The following ZNF763 variants were observed in gnomAD, a reference collection of about 807,000 sequenced individuals.
The protein encoded by ZNF763 is DNA-binding protein.
Under a neutral mutation model 38.0 loss-of-function variants are expected in ZNF763, and 33 were observed. That is an observed-to-expected ratio of 0.87 (90% CI 0.66 to 1.16). ZNF763 has a LOEUF of 1.16. Among genes scored for constraint, ZNF763 ranks in the 50% most tolerant of loss-of-function variants. ZNF763 has a pLI of 0.00. For missense variants in ZNF763, 423 were observed against 469.1 expected (o/e 0.90, Z 0.91); for synonymous variants, 155 against 160.1 (o/e 0.97, Z 0.24).
chr19:11,975,711 A>C (rs1973475605), intron 1 of ZNF763, among the ~76,000 whole-genome samples: 1 of 152,180 alleles, frequency 6.6e-6, no homozygotes, highest in South Asian at 2.1e-4. Flanking sequence ...AAGACTAAAT[A>C]ATATCCCATT....
intron 1 of ZNF763, among the ~76,000 whole-genome samples, chr19:11,976,254 T>G (rs1011624781): frequency 4.0e-5 from 6 of 151,646 alleles, no homozygotes; most frequent in Non-Finnish European, 8.8e-5. Context: ...AGGACTCTAT[T>G]ACGACAGGTG....
chr19:11,979,581 G>A lies in ZNF763; in HGVS notation c.*472G>A. The stretch of plus-strand genomic sequence containing the variant: ...TGTGGTAAAGCCTTCAGTAGTTCCA[G>A]TTCCTTTTGGTACCATGAAAGGACT... On this transcript the variant is annotated 3_prime_UTR_variant, in exon 4 of 4. Coordinates refer to ENST00000358987, the MANE Select transcript of ZNF763 (RefSeq NM_001367172.2). The A allele has an allele frequency of 6.2e-7, 1 of 1,603,426 alleles. No homozygotes were observed. The highest frequency in any genetic ancestry group is 1.7e-5 in the Admixed American group (1 of 59,466).
chr19:11,968,206 A>C (rs1253999002), intron 1 of ZNF763, among the ~76,000 whole-genome samples: 1 of 152,196 alleles, frequency 6.6e-6, no homozygotes, highest in Non-Finnish European at 1.5e-5. Context: ...AATAAATGTA[A>C]CAGGATTACA....
Position 11,980,107 on chromosome 19 carries a change from C to T in ZNF763, c.*998C>T. ...GAAAAACCTTCAGATCTACCTCACA[C>T]CTTCGAAAACATGGTAGGACTCACA... is the stretch of plus-strand genomic sequence containing the variant. On this transcript the variant is annotated 3_prime_UTR_variant, in exon 4 of 4. Transcript: ENST00000358987. 1.1e-6 allele frequency: 1 copy of T among 928,218 alleles called. No individual in the cohort carries two copies. The allele number at this position is 928,218 out of a possible 1,614,324, so 57.5% of individuals were successfully genotyped here.
At chr19:11,966,277 G>C (rs10417905) in intron 1 of ZNF763, among the ~76,000 whole-genome samples, 19,138 of 152,114 alleles carry the variant, frequency 0.13, 2,212 homozygotes, top group African/African-American at 0.31. Flanking sequence ...TGTCTCACCT[G>C]CCATCCTGTC....
intron 1 of ZNF763, among the ~76,000 whole-genome samples, chr19:11,967,110 GGATCAC>G (rs1179492966): frequency 6.6e-6 from 1 of 152,174 alleles, no homozygotes; most frequent in Non-Finnish European, 1.5e-5. Context: ...CAAGGCGGGA[GGATCAC>G]TTGAGGTCAA....
At position 11,978,813 on chromosome 19, in the gene ZNF763, C is replaced by A; in HGVS notation, c.889C>A (p.His297Asn). The A allele has an allele frequency of 6.2e-7, 1 of 1,613,978 alleles. No homozygotes were observed. Among genetic ancestry groups the A allele is most frequent in the African/African-American group, 1.3e-5 (1 of 74,986 alleles). The change falls in exon 4 of 4, where the codon CAT (histidine) becomes AAT (asparagine). Residue 297 changes from histidine (H) to asparagine (N), a missense_variant. Coordinates refer to ENST00000358987, the MANE Select transcript of ZNF763 (RefSeq NM_001367172.2). ...KQCGKSFSWC[H>N]SFQIHERTHT... ...ATGTGGCAAATCCTTCAGTTGGTGT[C>A]ATTCCTTTCAAATACATGAAAGAAC...
intron 1 of ZNF763, among the ~76,000 whole-genome samples, chr19:11,969,821 T>C (rs185062145): frequency 3.1e-4 from 47 of 152,320 alleles, no homozygotes; most frequent in African/African-American, 1.1e-3. Context: ...CTCCTCCTTT[T>C]ATCTTTCCTA....
chr19:11,971,071 G>A (rs1973341572), intron 1 of ZNF763, among the ~76,000 whole-genome samples: 1 of 152,138 alleles, frequency 6.6e-6, no homozygotes, highest in Non-Finnish European at 1.5e-5. Context: ...GTATAGTAGG[G>A]ATATTGCTTC....
At chr19:11,966,705 G>C (rs1973236306) in intron 1 of ZNF763, among the ~76,000 whole-genome samples, 1 of 152,148 alleles carries the variant, frequency 6.6e-6, no homozygotes, top group South Asian at 2.1e-4. Context: ...GCAGGTTGAA[G>C]ACTGGGCTTT....
Position 11,965,218 on chromosome 19 carries a change from G to C in ZNF763, c.3+7G>C. ...ATCTGAAAGCCAGGAAATGGTGCGT[G>C]TGCATAGCCGGTTGTCCCGAGACGG... is the stretch of plus-strand genomic sequence containing the variant. On this transcript the variant is annotated splice_region_variant and intron_variant, in intron 1 of 3. Coordinates refer to ENST00000358987, the MANE Select transcript of ZNF763 (RefSeq NM_001367172.2). 1 of 1,614,084 alleles carries C rather than the reference G, an allele frequency of 6.2e-7. No individual in the cohort carries two copies. The highest frequency in any genetic ancestry group is 2.2e-5 in the East Asian group (1 of 44,882).
intron 1 of ZNF763, among the ~76,000 whole-genome samples, chr19:11,972,924 T>TC (rs1973380396): frequency 6.8e-6 from 1 of 146,106 alleles, no homozygotes; most frequent in South Asian, 2.1e-4. Flanking sequence ...AGACCCTGTT[T>TC]CAAAAAAAAA....
At position 11,971,916 on chromosome 19, in the gene ZNF763, G is replaced by A. The variant is rs58340032; in HGVS notation, c.4-5122G>A. ...CATGTCTACTAAAAATACAAAATTA[G>A]CCAGGCGTGGTGGCAGAGGCCTGTA... On this transcript the variant is annotated intron_variant, in intron 1 of 3. Transcript: ENST00000358987. Among the ~76,000 whole-genome samples, 1,387 of 152,186 alleles carry A rather than the reference G, an allele frequency of 9.1e-3. 29 individuals carry two copies. Among genetic ancestry groups the A allele is most frequent in the African/African-American group, 0.032 (1,323 of 41,504 alleles).
chr19:11,971,239 A>T (rs1445415285), intron 1 of ZNF763, among the ~76,000 whole-genome samples: 1 of 152,180 alleles, frequency 6.6e-6, no homozygotes, highest in Non-Finnish European at 1.5e-5. Context: ...TGGTTTGCAG[A>T]TGGTCATCTT....
chr19:11,978,340 A>G lies in ZNF763; in HGVS notation c.416A>G (p.Tyr139Cys). ...IGHKAYEYQD[Y>C]APKPYKCQQP... ...CACAAGGCATACGAGTATCAGGACTATGCACCAAAGCCATATAAGTGTCAA... is the reference window on the plus strand; with the variant it reads ...CACAAGGCATACGAGTATCAGGACTGTGCACCAAAGCCATATAAGTGTCAA... The change falls in exon 4 of 4, where the codon TAT (tyrosine) becomes TGT (cysteine). Residue 139 changes from tyrosine to cysteine, a missense_variant. By Grantham distance (194) the Tyr-to-Cys change is radical. Transcript: ENST00000358987. 6.2e-7 allele frequency: 1 copy of G among 1,614,206 alleles called. No homozygotes were observed. Among genetic ancestry groups the G allele is most frequent in the Non-Finnish European group, 8.5e-7 (1 of 1,180,036 alleles).
Position 11,979,831 on chromosome 19 carries a change from C to T in ZNF763, c.*722C>T. 1 of 1,556,090 alleles carries T rather than the reference C, an allele frequency of 6.4e-7. No homozygotes were observed. The highest frequency in any genetic ancestry group is 8.8e-7 in the Non-Finnish European group (1 of 1,130,394). On this transcript the variant is annotated 3_prime_UTR_variant, in exon 4 of 4. Transcript: ENST00000358987. ...AATGTGGGAAAGCCTTCAGATCTGCCAAGAACCTTCGAATTCATGAAAGGA... is the reference window on the plus strand; with the variant it reads ...AATGTGGGAAAGCCTTCAGATCTGCTAAGAACCTTCGAATTCATGAAAGGA...
chr19:11,975,653 A>T (rs922393860), intron 1 of ZNF763, among the ~76,000 whole-genome samples: 1 of 124,638 alleles, frequency 8.0e-6, no homozygotes, highest in East Asian at 2.4e-4. Context: ...AAGTGTTGGG[A>T]TTACAGGCGT....
intron 1 of ZNF763, among the ~76,000 whole-genome samples, chr19:11,971,753 C>G (rs1055530570): frequency 2.0e-5 from 3 of 152,016 alleles, no homozygotes; most frequent in African/African-American, 7.2e-5. Context: ...TTTTGGGCTT[C>G]AAGAAAATTA....
chr19:11,980,095 A>T lies in ZNF763; in HGVS notation c.*986A>T, dbSNP rs563579339. The T allele has an allele frequency of 3.1e-6, 3 of 982,758 alleles. No individual in the cohort carries two copies. The highest frequency in any genetic ancestry group is 4.7e-6 in the Non-Finnish European group (3 of 644,888). The allele number at this position is 982,758 out of a possible 1,614,324, so 60.9% of individuals were successfully genotyped here. A position where few individuals can be genotyped will look rare whatever the true frequency, so the allele number is the denominator to read the frequency against. Reference sequence around the variant, plus strand: ...GTAAGCAATGTGGAAAAACCTTCAGATCTACCTCACACCTTCGAAAACATG... The same window carrying T: ...GTAAGCAATGTGGAAAAACCTTCAGTTCTACCTCACACCTTCGAAAACATG... On this transcript the variant is annotated 3_prime_UTR_variant, in exon 4 of 4. Transcript: ENST00000358987.
Sources: allele counts gnomAD v4.1 joint callset (sites outside exome capture counted in the v4.1 genomes callset), GRCh38; gene constraint gnomAD v4.1.1; transcripts MANE v1.5; gene names NCBI Gene and HGNC (gene_info 2026-07-23, HGNC 2026-07-21).